SULT1A1: variants seen among roughly 807,000 people sequenced by gnomAD.
The protein encoded by SULT1A1 is sulfotransferase 1A1.
A neutral mutation model predicts 36.8 loss-of-function variants in SULT1A1; 35 were observed. The observed-to-expected ratio is 0.95, with a 90% confidence interval of 0.73 to 1.26. SULT1A1 has a LOEUF of 1.26. SULT1A1 is among the 50% of genes most tolerant of loss of function. The probability of loss-of-function intolerance (pLI) is 0.00; values close to 1 mark genes in which losing one functional copy is unlikely to be tolerated. For missense variants in SULT1A1, 309 were observed against 383.0 expected, an observed-to-expected ratio of 0.81 and a Z score of 1.61; for synonymous variants, 119 against 146.0, an observed-to-expected ratio of 0.82 and a Z score of 1.33.
rs370484353 is a variant in SULT1A1, at chr16:28,606,982, G to T, written c.468C>A (p.Asp156Glu). 50 of 1,612,400 alleles carry T rather than the reference G, an allele frequency of 3.1e-5. 2 individuals are homozygous for T. The highest frequency in any genetic ancestry group is 4.0e-5 in the Non-Finnish European group (47 of 1,178,742). The change falls in exon 5 of 8, where the codon GAC (aspartate) becomes GAA (glutamate). Residue 156 changes from aspartate to glutamate, a missense_variant. This residue lies in a region of SULT1A1 where 219 missense variants were observed against 215.3 expected (regional missense o/e 1.02). Coordinates refer to ENST00000314752, the MANE Select transcript of SULT1A1 (RefSeq NM_001055.4). ...CGACCATGAACTTCTCCAGGAAGCT[G>T]TCCCAGGTCCCAGGCTCAGGGTGCA... ...AKVHPEPGTWDSFLEKFMVGE... is the reference protein window; with the variant it reads ...AKVHPEPGTWESFLEKFMVGE...
At chr16:28,622,087 C>T (rs1478921394) in intron 1 of SULT1A1, among the ~76,000 whole-genome samples, 6 of 152,170 alleles carry the variant, frequency 3.9e-5, no homozygotes, top group African/African-American at 1.4e-4. Flanking sequence ...TGACTATAAC[C>T]TATGCAACCT....
At chr16:28,610,250 G>A, upstream of SULT1A1, 1 of 572,616 alleles carries the variant, frequency 1.7e-6, no homozygotes, top group Non-Finnish European at 2.5e-6. Flanking sequence ...TGTTTTTGTA[G>A]GTTTTTTTTT....
chr16:28,621,243 A>G (rs1196085618), intron 1 of SULT1A1, among the ~76,000 whole-genome samples: 13 of 151,994 alleles, frequency 8.6e-5, no homozygotes, highest in African/African-American at 2.9e-4. Flanking sequence ...GCACTTTGGG[A>G]GGCCATGATG....
At chr16:28,621,667 G>A in intron 1 of SULT1A1, among the ~76,000 whole-genome samples, 1 of 151,904 alleles carries the variant, frequency 6.6e-6, no homozygotes. Flanking sequence ...TCACACGCCG[G>A]GACCAGGCAC....
At chr16:28,622,537 G>T (rs1246221223) in intron 1 of SULT1A1, among the ~76,000 whole-genome samples, 1 of 152,150 alleles carries the variant, frequency 6.6e-6, no homozygotes, top group Non-Finnish European at 1.5e-5. Context: ...ACCAAAGCAG[G>T]ACTAGGCCCC....
chr16:28,618,482 A>G (rs1286682575), intron 2 of SULT1A1, among the ~76,000 whole-genome samples: 1 of 151,194 alleles, frequency 6.6e-6, no homozygotes, highest in Admixed American at 6.6e-5. Flanking sequence ...AGTAGCTGGA[A>G]CTACAGGCTC....
At position 28,608,745 on chromosome 16, in the gene SULT1A1, C is replaced by T. The variant is rs56208725; in HGVS notation, c.111G>A (p.Arg37=). The part of the protein sequence containing the change: ...ALGPLQSFQA[R]PDDLLISTYP... ...AGGTGCTGATGAGCAGGTCATCAGG[C>T]CGGGCCTGGAAGCTCTGCAGGGGCC... The change falls in exon 2 of 8, where the codon CGG becomes CGA. Residue 37 remains arginine, a synonymous_variant. Coordinates refer to ENST00000314752, the MANE Select transcript of SULT1A1 (RefSeq NM_001055.4). The T allele has an allele frequency of 1.6e-4, 254 of 1,612,542 alleles. 3 individuals carry two copies. Among genetic ancestry groups the T allele is most frequent in the Non-Finnish European group, 2.0e-4 (231 of 1,179,156 alleles).
intron 2 of SULT1A1, among the ~76,000 whole-genome samples, chr16:28,616,131 T>G (rs920992088): frequency 1.5e-4 from 23 of 152,324 alleles, no homozygotes; most frequent in African/African-American, 5.5e-4. Context: ...CACTCCTGTC[T>G]TCCGGTCACA....
At position 28,606,687 on chromosome 16, in the gene SULT1A1, G is replaced by C. The variant is rs55879441; in HGVS notation, c.594+74C>G. On this transcript the variant is annotated intron_variant, in intron 6 of 7. Transcript: ENST00000314752. ...GGGGGCTGCCCAGGGAGGGGGCTGGGTGGCCTTGGCGGGTCCCTGTGAGGT... is the reference window on the plus strand; with the variant it reads ...GGGGGCTGCCCAGGGAGGGGGCTGGCTGGCCTTGGCGGGTCCCTGTGAGGT... 25 of 1,580,338 alleles carry C rather than the reference G, an allele frequency of 1.6e-5. 1 individual carries two copies. The East Asian group carries it at 5.6e-4, about 35-fold the overall frequency.
chr16:28,605,724 A>C lies in SULT1A1; in HGVS notation c.*97T>G, dbSNP rs1174099113. On this transcript the variant is annotated 3_prime_UTR_variant, in exon 8 of 8. Transcript: ENST00000314752. ...CCAAATTGCTGGGATTACAGACATG[A>C]CCTACCGTCCCGGGCCCTCAATTCA... 1 of 1,570,160 alleles carries C rather than the reference A, an allele frequency of 6.4e-7. No individual in the cohort carries two copies. The highest frequency in any genetic ancestry group is 2.3e-5 in the East Asian group (1 of 43,466).
rs975141962 is a variant in SULT1A1 at position 28,609,981 on chromosome 16, T to G, written c.-55A>C. 62 of 1,287,882 alleles carry G rather than the reference T, an allele frequency of 4.8e-5. 1 individual carries two copies. Among genetic ancestry groups the G allele is most frequent in the East Asian group, 2.8e-4 (5 of 18,118 alleles). The allele number at this position is 1,287,882 out of a possible 1,614,324, so 79.8% of individuals were successfully genotyped here. A position where few individuals can be genotyped will look rare whatever the true frequency, so the allele number is the denominator to read the frequency against. On this transcript the variant is annotated 5_prime_UTR_variant, in exon 1 of 8. Coordinates refer to ENST00000314752, the MANE Select transcript of SULT1A1 (RefSeq NM_001055.4). ...TGCCCTCCTCGCCCGCAGTGGCTGA[T>G]TGTGGGTGTTGTGTGGGGAATGCAG...
rs2047235877 is a variant in SULT1A1 at position 28,607,169 on chromosome 16, G to A, written c.373-92C>T. On this transcript the variant is annotated intron_variant, in intron 4 of 7. Transcript: ENST00000314752. Reference sequence around the variant, plus strand: ...TTGGATTGGCAAAGGAGGAACCTGAGGCTTAGAGGCTGACTTGTTTGAGAT... The same window carrying A: ...TTGGATTGGCAAAGGAGGAACCTGAAGCTTAGAGGCTGACTTGTTTGAGAT... The A allele has an allele frequency of 2.5e-6, 4 of 1,571,994 alleles. No homozygotes were observed. In the East Asian group the frequency reaches 6.7e-5, roughly 26 times the overall value.
rs1490669569 is a variant in SULT1A1 at position 28,609,820 on chromosome 16, G to C, written c.-5+111C>G. The C allele has an allele frequency of 6.3e-6, 7 of 1,109,650 alleles. 1 individual carries two copies. Among genetic ancestry groups the C allele is most frequent in the Non-Finnish European group, 8.1e-6 (7 of 862,520 alleles). The allele number at this position is 1,109,650 out of a possible 1,614,324, so 68.7% of individuals were successfully genotyped here. On this transcript the variant is annotated intron_variant, in intron 1 of 7. Coordinates refer to ENST00000314752, the MANE Select transcript of SULT1A1 (RefSeq NM_001055.4). ...ACGCAGGCCAGGGTTGTCTGAAATG[G>C]GATATCCATGGGGAAAGGGCAGGGA...
At chr16:28,606,681 G>T in intron 6 of SULT1A1, 80 bp downstream of exon 6, 3 of 1,575,128 alleles carry the variant, frequency 1.9e-6, no homozygotes, top group Non-Finnish European at 2.6e-6. Context: ...CCAGGGAGGG[G>T]GCTGGGTGGC....
Position 28,608,495 on chromosome 16 carries a change from G to T in SULT1A1, c.257C>A (p.Ala86Asp), listed in dbSNP as rs72547525. 22 of 1,612,506 alleles carry T rather than the reference G, an allele frequency of 1.4e-5. No individual in the cohort carries two copies. In the South Asian group the frequency reaches 2.4e-4, roughly 18 times the overall value. ...FMRVPFLEFK[A>D]PGIPSGMETL... Reference sequence around the variant, plus strand: ...TCACACACCTGAGGGAATCCCTGGGGCTTTGAACTCAAGGAAGGGCACCCG... The same window carrying T: ...TCACACACCTGAGGGAATCCCTGGGTCTTTGAACTCAAGGAAGGGCACCCG... The change falls in exon 3 of 8, where the codon GCC becomes GAC. Residue 86 changes from alanine (A) to aspartate (D), a missense_variant. Around this residue, in one of 3 missense-constraint regions of SULT1A1, gnomAD observed 219 missense variants for 215.3 expected, o/e 1.02. Coordinates refer to ENST00000314752, the MANE Select transcript of SULT1A1 (RefSeq NM_001055.4).
At chr16:28,618,654 A>C (rs1229177827) in intron 2 of SULT1A1, among the ~76,000 whole-genome samples, 1 of 151,974 alleles carries the variant, frequency 6.6e-6, no homozygotes, top group Non-Finnish European at 1.5e-5. Flanking sequence ...TAAATTTTGC[A>C]CTGGACTGGA....
intron 1 of SULT1A1, among the ~76,000 whole-genome samples, chr16:28,621,963 C>T (rs1401067390): frequency 2.6e-5 from 4 of 152,170 alleles, no homozygotes; most frequent in African/African-American, 9.7e-5. Context: ...AATGAGGTCA[C>T]CCTGTTTGTT....
intron 1 of SULT1A1, among the ~76,000 whole-genome samples, chr16:28,622,108 A>G (rs1185039653): frequency 1.3e-5 from 2 of 152,136 alleles, no homozygotes; most frequent in Non-Finnish European, 2.9e-5. Flanking sequence ...ATGCGCTAGC[A>G]TCATGACTCA....
intron 4 of SULT1A1, 109 bp downstream of exon 4, chr16:28,608,182 C>A: frequency 6.9e-7 from 1 of 1,458,512 alleles, no homozygotes; most frequent in South Asian, 1.3e-5. Context: ...AGACAAGGTT[C>A]TTCTATGTTG....
Sources: gnomAD v4.1 joint callset for allele counts (sites outside exome capture counted in the v4.1 genomes callset) on GRCh38, gnomAD v4.1.1 for gene constraint, gnomAD v4.1.1 regional missense constraint, MANE v1.5 for transcripts, NCBI Gene and HGNC (gene_info 2026-07-23, HGNC 2026-07-21) for gene names.